The following EXOC8 variants were observed in gnomAD, a reference collection of about 807,000 sequenced individuals.
The protein encoded by EXOC8 is exocyst complex 84 kDa subunit.
EXOC8 carries 19 observed loss-of-function variants against 50.8 expected under a neutral mutation model. The observed-to-expected ratio is 0.37, with a 90% CI of 0.26 to 0.55. The LOEUF is 0.55. EXOC8 is among the 20% of genes least tolerant of loss of function. The pLI is 0.80. For missense variants in EXOC8, 781 were observed against 915.8 expected, an observed-to-expected ratio of 0.85 and a Z score of 1.90; for synonymous variants, 384 against 367.9, an observed-to-expected ratio of 1.04 and a Z score of -0.50.
chr1:231,337,813 C>G lies in EXOC8; in HGVS notation c.-68G>C. On this transcript the variant is annotated 5_prime_UTR_variant, in exon 1 of 1. Coordinates refer to ENST00000366645, the MANE Select transcript of EXOC8 (RefSeq NM_175876.5). The surrounding 1 kb of genome is among the most constrained non-coding windows in gnomAD (Gnocchi z 5.9). ...CAGCCGCCGCGGCTGTCTAGACCCACCCAAGGCCAACCGAGCTCCTGGGCT... is the reference window on the plus strand; with the variant it reads ...CAGCCGCCGCGGCTGTCTAGACCCAGCCAAGGCCAACCGAGCTCCTGGGCT... 6.6e-7 allele frequency: 1 copy of G among 1,515,460 alleles called. No homozygotes were observed. Among genetic ancestry groups the G allele is most frequent in the Non-Finnish European group, 8.8e-7 (1 of 1,132,766 alleles). 93.9% of individuals were successfully genotyped at this position (1,515,460 alleles called of 1,614,324 possible).
Position 231,337,614 on chromosome 1 carries a change from G to C in EXOC8, c.132C>G (p.His44Gln), listed in dbSNP as rs749019865. 1 of 1,611,920 alleles carries C rather than the reference G, an allele frequency of 6.2e-7. No individual in the cohort carries two copies. The highest frequency in any genetic ancestry group is 8.5e-7 in the Non-Finnish European group (1 of 1,179,990). Reference protein sequence around the residue: ...QSDGDRDLQEHRQRIQALAEE... With the variant: ...QSDGDRDLQEQRQRIQALAEE... ...CCGCCAGCGCCTGGATGCGCTGCCG[G>C]TGCTCCTGGAGGTCCCGGTCCCCAT... The change falls in exon 1 of 1, where the codon CAC (histidine) becomes CAG (glutamine). Residue 44 changes from histidine to glutamine, a missense_variant. Around this residue, in one of 3 missense-constraint regions of EXOC8, gnomAD observed 700 missense variants for 804.1 expected, o/e 0.87. Transcript: ENST00000366645. This position sits in a 1 kb window ranked among gnomAD's most constrained non-coding sequence, Gnocchi z 5.9.
rs1363661815 is a variant in EXOC8, at chr1:231,337,220, G to A, written c.526C>T (p.Leu176=). 4 of 1,613,466 alleles carry A rather than the reference G, an allele frequency of 2.5e-6. No individual in the cohort carries two copies. The highest frequency in any genetic ancestry group is 3.4e-6 in the Non-Finnish European group (4 of 1,180,034). The stretch of plus-strand genomic sequence containing the variant: ...ACCAAGTACTGTCCCGGCGTCTCCA[G>A]CAGATGCCTGCAGCCTTCCACCTTC... ...LEKVEGCRHL[L]ETPGQYLVYN... Residue 176 remains leucine (L), a synonymous_variant, in exon 1 of 1, where the codon CTG becomes TTG. Transcript: ENST00000366645. This position sits in a 1 kb window ranked among gnomAD's most constrained non-coding sequence, Gnocchi z 5.9.
Position 231,336,773 on chromosome 1 carries a change from C to T in EXOC8, c.973G>A (p.Val325Ile), listed in dbSNP as rs111580847. Residue 325 changes from valine (V) to isoleucine (I), a missense_variant, in exon 1 of 1, where the codon GTA (valine) becomes ATA (isoleucine). By Grantham distance (29) the Val-to-Ile change is conservative (BLOSUM62 3). Coordinates refer to ENST00000366645, the MANE Select transcript of EXOC8 (RefSeq NM_175876.5). This position sits in a 1 kb window ranked among gnomAD's most constrained non-coding sequence, Gnocchi z 5.4. ...GAGAGGTCCACCTTCTCTTCCTCTA[C>T]CTCAGGAACAGCTGGTTCTTCTTCT... ...DEEEEPAVPE[V>I]EEEKVDLSME... is the part of the protein sequence containing the mutation. 1.4e-3 allele frequency: 2,309 copies of T among 1,614,186 alleles called. 37 individuals carry two copies. In the African/African-American group the frequency reaches 0.028, roughly 19 times the overall value.
In EXOC8 at chr1:231,335,766, A is replaced by G. The variant is rs769044146; in HGVS notation, c.1980T>C (p.Tyr660=). Residue 660 remains tyrosine, a synonymous_variant, in exon 1 of 1, where the codon TAT becomes TAC. Coordinates refer to ENST00000366645, the MANE Select transcript of EXOC8 (RefSeq NM_175876.5). ...CTGGATCCTGCTCACATCGAAGACTATAATCCACATGCTGAACAGCAACCA... is the reference window on the plus strand; with the variant it reads ...CTGGATCCTGCTCACATCGAAGACTGTAATCCACATGCTGAACAGCAACCA... ...IILVAVQHVD[Y]SLRCEQDPEK... 4.3e-6 allele frequency: 7 copies of G among 1,614,074 alleles called. No homozygotes were observed. In the African/African-American group the frequency reaches 9.3e-5, roughly 22 times the overall value.
In EXOC8 at chr1:231,336,944, T is replaced by C. The variant is rs1686692508; in HGVS notation, c.802A>G (p.Lys268Glu). ...ESRIFQAENA[K>E]IKREWLEVLE... ...ACTTCCAGCCACTCTCGTTTGATTT[T>C]AGCATTTTCGGCCTGGAAAATACGG... The change falls in exon 1 of 1, where the codon AAA becomes GAA. Residue 268 changes from lysine to glutamate, a missense_variant. By Grantham distance (56) the Lys-to-Glu change is moderately conservative. Coordinates refer to ENST00000366645, the MANE Select transcript of EXOC8 (RefSeq NM_175876.5). The surrounding 1 kb of genome is among the most constrained non-coding windows in gnomAD (Gnocchi z 5.4). 1 of 1,614,072 alleles carries C rather than the reference T, an allele frequency of 6.2e-7. No individual in the cohort carries two copies.
At position 231,337,165 on chromosome 1, in the gene EXOC8, G is replaced by C; in HGVS notation, c.581C>G (p.Ala194Gly). ...VYNGDLVEYDADHMAQLQRVH... is the reference protein window; with the variant it reads ...VYNGDLVEYDGDHMAQLQRVH... ...CCGCTGCAGTTGGGCCATGTGGTCC[G>C]CATCGTATTCCACTAGGTCCCCATT... Residue 194 changes from alanine (A) to glycine (G), a missense_variant, in exon 1 of 1, where the codon GCG (alanine) becomes GGG (glycine). Around this residue, in one of 3 missense-constraint regions of EXOC8, gnomAD observed 700 missense variants for 804.1 expected, o/e 0.87. Transcript: ENST00000366645. This position sits in a 1 kb window ranked among gnomAD's most constrained non-coding sequence, Gnocchi z 5.9. 1 of 1,614,062 alleles carries C rather than the reference G, an allele frequency of 6.2e-7. No individual in the cohort carries two copies. The highest frequency in any genetic ancestry group is 8.5e-7 in the Non-Finnish European group (1 of 1,180,022).
Position 231,337,204 on chromosome 1 carries a change from T to C in EXOC8, c.542A>G (p.Gln181Arg). 1.9e-6 allele frequency: 3 copies of C among 1,614,014 alleles called. No homozygotes were observed. Among genetic ancestry groups the C allele is most frequent in the Non-Finnish European group, 2.5e-6 (3 of 1,180,028 alleles). ...GCRHLLETPGQYLVYNGDLVE... is the reference protein window; with the variant it reads ...GCRHLLETPGRYLVYNGDLVE... ...TAGGTCCCCATTGTACACCAAGTAC[T>C]GTCCCGGCGTCTCCAGCAGATGCCT... is the stretch of plus-strand genomic sequence containing the variant. Residue 181 changes from glutamine (Q) to arginine (R), a missense_variant, in exon 1 of 1, where the codon CAG becomes CGG. By Grantham distance (43) the Gln-to-Arg change is conservative (BLOSUM62 1). Coordinates refer to ENST00000366645, the MANE Select transcript of EXOC8 (RefSeq NM_175876.5). The surrounding 1 kb of genome is among the most constrained non-coding windows in gnomAD (Gnocchi z 5.9).
At position 231,336,684 on chromosome 1, in the gene EXOC8, T is replaced by G. The variant is rs771670194; in HGVS notation, c.1062A>C (p.Glu354Asp). 1 of 1,614,212 alleles carries G rather than the reference T, an allele frequency of 6.2e-7. No individual in the cohort carries two copies. The highest frequency in any genetic ancestry group is 1.7e-5 in the Admixed American group (1 of 60,022). Residue 354 changes from glutamate (E) to aspartate (D), a missense_variant, in exon 1 of 1, where the codon GAA becomes GAC. Glu to Asp is a conservative substitution (Grantham distance 45). Coordinates refer to ENST00000366645, the MANE Select transcript of EXOC8 (RefSeq NM_175876.5). This position sits in a 1 kb window ranked among gnomAD's most constrained non-coding sequence, Gnocchi z 5.4. ...LDVCIAQRDF[E>D]GAVDLLDKLN... ...ATTTATCCAGCAGGTCAACCGCCCC[T>G]TCAAAGTCTCTCTGCGCAATGCAGA...
chr1:231,336,183 ACACT>A lies in EXOC8; in HGVS notation c.1559_1562del (p.Glu520ValfsTer2). 1 of 1,614,144 alleles carries A rather than the reference ACACT, an allele frequency of 6.2e-7. No individual in the cohort carries two copies. The highest frequency in any genetic ancestry group is 8.5e-7 in the Non-Finnish European group (1 of 1,180,020). ...GGCAATGCTCCTTAGCCACTTTTAC[ACACT>A]CAGCTGCTGTAGAGAGGCTCTCCTT... On this transcript the variant is annotated frameshift_variant, in exon 1 of 1. Coordinates refer to ENST00000366645, the MANE Select transcript of EXOC8 (RefSeq NM_175876.5). LOFTEE classifies it high-confidence loss of function. This position sits in a 1 kb window ranked among gnomAD's most constrained non-coding sequence, Gnocchi z 5.4.
rs1168564808 is a variant in EXOC8 at position 231,337,015 on chromosome 1, T to C, written c.731A>G (p.Asn244Ser). Residue 244 changes from asparagine (N) to serine (S), a missense_variant, in exon 1 of 1, where the codon AAC becomes AGC. Around this residue, in one of 3 missense-constraint regions of EXOC8, gnomAD observed 700 missense variants for 804.1 expected, o/e 0.87. Coordinates refer to ENST00000366645, the MANE Select transcript of EXOC8 (RefSeq NM_175876.5). The surrounding 1 kb of genome is among the most constrained non-coding windows in gnomAD (Gnocchi z 5.9). ...DGLAVVNVKDNPPMKDMFKLL... is the reference protein window; with the variant it reads ...DGLAVVNVKDSPPMKDMFKLL... ...CTTGAACATGTCCTTCATGGGCGGGTTGTCCTTGACATTGACTACGGCCAA... is the reference window on the plus strand; with the variant it reads ...CTTGAACATGTCCTTCATGGGCGGGCTGTCCTTGACATTGACTACGGCCAA... 2.5e-6 allele frequency: 4 copies of C among 1,613,776 alleles called. No homozygotes were observed. Among genetic ancestry groups the C allele is most frequent in the African/African-American group, 2.7e-5 (2 of 74,830 alleles).
Position 231,337,814 on chromosome 1 carries a change from C to T in EXOC8, c.-69G>A, listed in dbSNP as rs1453279790. 7 of 1,512,504 alleles carry T rather than the reference C, an allele frequency of 4.6e-6. No homozygotes were observed. The highest frequency in any genetic ancestry group is 4.2e-5 in the African/African-American group (3 of 71,490). The allele number at this position is 1,512,504 out of a possible 1,614,324, so 93.7% of individuals were successfully genotyped here. On this transcript the variant is annotated 5_prime_UTR_variant, in exon 1 of 1. Transcript: ENST00000366645. The surrounding 1 kb of genome is among the most constrained non-coding windows in gnomAD (Gnocchi z 5.9). ...AGCCGCCGCGGCTGTCTAGACCCACCCAAGGCCAACCGAGCTCCTGGGCTG... is the reference window on the plus strand; with the variant it reads ...AGCCGCCGCGGCTGTCTAGACCCACTCAAGGCCAACCGAGCTCCTGGGCTG...
At position 231,337,845 on chromosome 1, in the gene EXOC8, G is replaced by A; in HGVS notation, c.-100C>T. 1 of 1,443,680 alleles carries A rather than the reference G, an allele frequency of 6.9e-7. No individual in the cohort carries two copies. Among genetic ancestry groups the A allele is most frequent in the East Asian group, 2.4e-5 (1 of 41,968 alleles). The allele number at this position is 1,443,680 out of a possible 1,614,324, so 89.4% of individuals were successfully genotyped here. ...CCAACCGAGCTCCTGGGCTGAGGAA[G>A]CAGGAATGGGAACGAGACGAGTACG... On this transcript the variant is annotated 5_prime_UTR_variant, in exon 1 of 1. Transcript: ENST00000366645. The surrounding 1 kb of genome is among the most constrained non-coding windows in gnomAD (Gnocchi z 5.9).
upstream of EXOC8, chr1:231,337,852 TG>T (rs1279416924): frequency 2.0e-5 from 28 of 1,417,888 alleles, no homozygotes; most frequent in South Asian, 2.5e-4. The surrounding 1 kb of genome is among the most constrained non-coding windows in gnomAD (Gnocchi z 5.9). Flanking sequence ...GAAGCAGGAA[TG>T]GGAACGAGAC....
rs532428987 is a variant in EXOC8, at chr1:231,333,216, G to A, written c.*2352C>T. On this transcript the variant is annotated 3_prime_UTR_variant, in exon 1 of 1. Coordinates refer to ENST00000366645, the MANE Select transcript of EXOC8 (RefSeq NM_175876.5). ...TGGGTCTAATAAAACAGAAGAATTA[G>A]AGAAGAAAGCCCATGCCACTTTGAG... The A allele has an allele frequency of 4.6e-5, 7 of 152,298 alleles. No homozygotes were observed. The South Asian group carries it at 1.4e-3, about 32-fold the overall frequency. 9.4% of individuals were successfully genotyped at this position (152,298 alleles called of 1,614,324 possible). A position where few individuals can be genotyped will look rare whatever the true frequency, so the allele number is the denominator to read the frequency against.
Position 231,337,287 on chromosome 1 carries a change from T to C in EXOC8, c.459A>G (p.Pro153=). The C allele has an allele frequency of 1.9e-6, 3 of 1,605,826 alleles. No individual in the cohort carries two copies. Among genetic ancestry groups the C allele is most frequent in the Non-Finnish European group, 8.5e-7 (1 of 1,179,956 alleles). The part of the protein sequence containing the change: ...PGGASRDGSG[P]GEEGKQRTLT... ...GAGTGCGCTGCTTTCCTTCCTCGCCTGGACCGGAGCCGTCGCGGGAGGCAC... is the reference window on the plus strand; with the variant it reads ...GAGTGCGCTGCTTTCCTTCCTCGCCCGGACCGGAGCCGTCGCGGGAGGCAC... The change falls in exon 1 of 1, where the codon CCA becomes CCG. Residue 153 remains proline, a synonymous_variant. Coordinates refer to ENST00000366645, the MANE Select transcript of EXOC8 (RefSeq NM_175876.5). The surrounding 1 kb of genome is among the most constrained non-coding windows in gnomAD (Gnocchi z 5.9).
chr1:231,336,951 T>C lies in EXOC8; in HGVS notation c.795A>G (p.Glu265=), dbSNP rs1035428073. The C allele has an allele frequency of 1.2e-6, 2 of 1,614,048 alleles. No homozygotes were observed. The highest frequency in any genetic ancestry group is 1.7e-5 in the Admixed American group (1 of 60,004). The change falls in exon 1 of 1, where the codon GAA becomes GAG. Residue 265 remains glutamate (E), a synonymous_variant. Coordinates refer to ENST00000366645, the MANE Select transcript of EXOC8 (RefSeq NM_175876.5). This position sits in a 1 kb window ranked among gnomAD's most constrained non-coding sequence, Gnocchi z 5.4. The stretch of plus-strand genomic sequence containing the variant: ...GCCACTCTCGTTTGATTTTAGCATT[T>C]TCGGCCTGGAAAATACGGCTCTCGG... ...MFPESRIFQA[E]NAKIKREWLE...
rs544474466 is a variant in EXOC8, at chr1:231,333,924, C to G, written c.*1644G>C. The G allele has an allele frequency of 6.6e-6, 1 of 152,248 alleles. No individual in the cohort carries two copies. The highest frequency in any genetic ancestry group is 2.4e-5 in the African/African-American group (1 of 41,556). 9.4% of individuals were successfully genotyped at this position (152,248 alleles called of 1,614,324 possible). On this transcript the variant is annotated 3_prime_UTR_variant, in exon 1 of 1. Transcript: ENST00000366645. ...TTTTCATTCAGATAAAAGAAATGAC[C>G]TTTTGAAATCATGGGCATCAAATTT...
In EXOC8 at chr1:231,336,196, G is replaced by A; in HGVS notation, c.1550C>T (p.Thr517Ile). The part of the protein sequence containing the change: ...QVFDSKESLS[T>I]AAECVKVAKE... ...AGCCACTTTTACACACTCAGCTGCT[G>A]TAGAGAGGCTCTCCTTACTATCAAA... Residue 517 changes from threonine (T) to isoleucine (I), a missense_variant, in exon 1 of 1, where the codon ACA becomes ATA. Thr to Ile is a moderately conservative substitution (Grantham distance 89, BLOSUM62 -1). Around this residue, in one of 3 missense-constraint regions of EXOC8, gnomAD observed 700 missense variants for 804.1 expected, o/e 0.87. Coordinates refer to ENST00000366645, the MANE Select transcript of EXOC8 (RefSeq NM_175876.5). This position sits in a 1 kb window ranked among gnomAD's most constrained non-coding sequence, Gnocchi z 5.4. 2 of 1,614,142 alleles carry A rather than the reference G, an allele frequency of 1.2e-6. No homozygotes were observed. The highest frequency in any genetic ancestry group is 1.7e-6 in the Non-Finnish European group (2 of 1,180,040).
chr1:231,337,047 T>C lies in EXOC8; in HGVS notation c.699A>G (p.Leu233=), dbSNP rs755693589. 7 of 1,614,072 alleles carry C rather than the reference T, an allele frequency of 4.3e-6. No homozygotes were observed. The South Asian group carries it at 4.4e-5, about 10-fold the overall frequency. The change falls in exon 1 of 1, where the codon CTA becomes CTG. Residue 233 remains leucine, a synonymous_variant. Coordinates refer to ENST00000366645, the MANE Select transcript of EXOC8 (RefSeq NM_175876.5). This position sits in a 1 kb window ranked among gnomAD's most constrained non-coding sequence, Gnocchi z 5.9. ...GMYRYNALYS[L]DGLAVVNVKD... The stretch of plus-strand genomic sequence containing the variant: ...TGACATTGACTACGGCCAAACCATC[T>C]AGGGAATAGAGAGCGTTGTAGCGAT...
Sources: allele counts gnomAD v4.1 joint callset, GRCh38; gene constraint gnomAD v4.1.1; regional missense constraint gnomAD v4.1.1; non-coding constraint Gnocchi (gnomAD v3.1); transcripts MANE v1.5; gene names NCBI Gene and HGNC (gene_info 2026-07-23, HGNC 2026-07-21).